Variants in LRP1 observed in about 807,000 individuals in gnomAD.
LRP1 encodes LDL receptor related protein 1, also known as prolow-density lipoprotein receptor-related protein 1.
Under a neutral mutation model 541.5 loss-of-function variants are expected in LRP1, and 51 were observed. The ratio of observed to expected loss-of-function variants is 0.09; its 90% CI spans 0.08 to 0.12. The LOEUF (loss-of-function observed/expected upper bound fraction) is 0.12. Among genes scored for constraint, LRP1 ranks in the 10% least tolerant of loss-of-function variants. LRP1 has a pLI of 1.00. For synonymous variants in LRP1, 2,219 were observed against 2,470.8 expected (o/e 0.90, Z 3.02); for missense variants, 3,878 against 6,376.2 (o/e 0.61, Z 13.34).
At chr12:57,208,981 C>A in intron 78 of LRP1, 102 bp from the exon 79 acceptor site, 2 of 1,093,524 alleles carry the variant, frequency 1.8e-6, no homozygotes, top group South Asian at 1.3e-5. Context: ...CTGTGAGTGG[C>A]GTATGAACAG....
chr12:57,201,420 AAG>A lies in LRP1; in HGVS notation c.10346-69_10346-68del, dbSNP rs2036652369. ...TGGCAGGACCAAGGCCAGGGCTTGG[AAG>A]AGAGAGAAGACAGTGATGGTGAACT... is the stretch of plus-strand genomic sequence containing the variant. On this transcript the variant is annotated intron_variant, in intron 65 of 88. Transcript: ENST00000243077. The surrounding 1 kb of genome is among the most constrained non-coding windows in gnomAD (Gnocchi z 6.4). 1.3e-6 allele frequency: 2 copies of A among 1,542,766 alleles called. No individual in the cohort carries two copies. The highest frequency in any genetic ancestry group is 3.8e-5 in the Admixed American group (2 of 53,268).
At position 57,154,654 on chromosome 12, in the gene LRP1, G is replaced by A. The variant is rs747423446; in HGVS notation, c.1180G>A (p.Val394Met). 1.3e-6 allele frequency: 2 copies of A among 1,588,634 alleles called. No individual in the cohort carries two copies. Among genetic ancestry groups the A allele is most frequent in the East Asian group, 4.6e-5 (2 of 43,476 alleles). ...TGCCTATCTGGACTATATTGAAGTG[G>A]TGGACTATGAGGGCAAGGGCCGCCA... ...ADAYLDYIEV[V>M]DYEGKGRQTI... The change falls in exon 8 of 89, where the codon GTG (valine) becomes ATG (methionine). Residue 394 changes from valine (V) to methionine (M), a missense_variant. Around this residue, in one of 13 missense-constraint regions of LRP1, gnomAD observed 496 missense variants for 861.0 expected, o/e 0.58. Coordinates refer to ENST00000243077, the MANE Select transcript of LRP1 (RefSeq NM_002332.3). The surrounding 1 kb of genome is among the most constrained non-coding windows in gnomAD (Gnocchi z 4.6).
At position 57,205,707 on chromosome 12, in the gene LRP1, TG is replaced by T. The variant is rs1296060504; in HGVS notation, c.11590+33del. 1.2e-6 allele frequency: 2 copies of T among 1,604,146 alleles called. No individual in the cohort carries two copies. Among genetic ancestry groups the T allele is most frequent in the Middle Eastern group, 1.7e-4 (1 of 6,052 alleles). On this transcript the variant is annotated intron_variant, in intron 75 of 88. Transcript: ENST00000243077. The surrounding 1 kb of genome is among the most constrained non-coding windows in gnomAD (Gnocchi z 4.6). ...CGGAGCCACCAGAGGGCAGAAAGGC[TG>T]GGTGGGGCAGGGCGACCAGGATATC...
At position 57,206,540 on chromosome 12, in the gene LRP1, C is replaced by G; in HGVS notation, c.11658C>G (p.Pro3886=). 1 of 1,614,170 alleles carries G rather than the reference C, an allele frequency of 6.2e-7. No homozygotes were observed. The change falls in exon 76 of 89, where the codon CCC becomes CCG. Residue 3886 remains proline, a synonymous_variant. Coordinates refer to ENST00000243077, the MANE Select transcript of LRP1 (RefSeq NM_002332.3). The surrounding 1 kb of genome is among the most constrained non-coding windows in gnomAD (Gnocchi z 4.7). ...TCCGCAGCCTGTTCCCCGGCCACCC[C>G]CATTCGGCTTACGAGCAGGCATTCC... The part of the protein sequence containing the change: ...NEIRSLFPGH[P]HSAYEQAFQG...
In LRP1 at chr12:57,179,309, G is replaced by T; in HGVS notation, c.4739-20G>T. The T allele has an allele frequency of 6.3e-7, 1 of 1,576,520 alleles. No homozygotes were observed. The highest frequency in any genetic ancestry group is 1.1e-5 in the South Asian group (1 of 89,730). The stretch of plus-strand genomic sequence containing the variant: ...CACAGAGGCAGGGACTGCCTTCAGT[G>T]ACCAGCCCATGCCCCACAGAGTTTA... On this transcript the variant is annotated intron_variant, in intron 28 of 88. Coordinates refer to ENST00000243077, the MANE Select transcript of LRP1 (RefSeq NM_002332.3). This position sits in a 1 kb window ranked among gnomAD's most constrained non-coding sequence, Gnocchi z 6.8.
chr12:57,192,775 T>G (rs1438463181), intron 44 of LRP1, 70 bp from the exon 45 acceptor site: 1 of 1,595,222 alleles, frequency 6.3e-7, no homozygotes, highest in East Asian at 2.2e-5. Flanking sequence ...AGTGAATGGG[T>G]GGGTGCACTC....
In LRP1 at chr12:57,156,993, C is replaced by T. The variant is rs1329104368; in HGVS notation, c.1561+73C>T. ...GGTTCCTCAGGTGTCCCCCACAGCC[C>T]GGCTGCCTCTGTCTGACATGCAGGG... On this transcript the variant is annotated intron_variant, in intron 10 of 88. Transcript: ENST00000243077. This position sits in a 1 kb window ranked among gnomAD's most constrained non-coding sequence, Gnocchi z 5.2. 6.9e-6 allele frequency: 10 copies of T among 1,454,188 alleles called. No homozygotes were observed. Among genetic ancestry groups the T allele is most frequent in the East Asian group, 2.4e-5 (1 of 41,790 alleles). 90.1% of individuals were successfully genotyped at this position (1,454,188 alleles called of 1,614,324 possible).
At position 57,196,995 on chromosome 12, in the gene LRP1, C is replaced by T; in HGVS notation, c.8906C>T (p.Pro2969Leu). 6 of 1,611,918 alleles carry T rather than the reference C, an allele frequency of 3.7e-6. No individual in the cohort carries two copies. The South Asian group carries it at 5.5e-5, about 15-fold the overall frequency. The change falls in exon 56 of 89, where the codon CCT becomes CTT. Residue 2969 changes from proline (P) to leucine (L), a missense_variant. Physicochemically the swap from Pro to Leu is moderately conservative, Grantham distance 98 (BLOSUM62 -3). Transcript: ENST00000243077. ...LKIGFKCRCR[P>L]GFRLKDDGRT... ...CTGTGCCTGCAGTGCCGCTGTCGCC[C>T]TGGCTTCCGGCTGAAGGACGACGGC...
rs1216426498 is a variant in LRP1, at chr12:57,206,692, C to T, written c.11810C>T (p.Thr3937Ile). ...RSLPPAAPPT[T>I]SNRHRRQIDR... ...CTGCCACCTGCTGCGCCTCCTACCA[C>T]TTCCAACCGCCACCGGCGACAGATT... is the stretch of plus-strand genomic sequence containing the variant. Residue 3937 changes from threonine (T) to isoleucine (I), a missense_variant, in exon 76 of 89, where the codon ACT becomes ATT. By Grantham distance (89) the Thr-to-Ile change is moderately conservative. Transcript: ENST00000243077. The surrounding 1 kb of genome is among the most constrained non-coding windows in gnomAD (Gnocchi z 4.7). 1 of 1,613,592 alleles carries T rather than the reference C, an allele frequency of 6.2e-7. No individual in the cohort carries two copies. The highest frequency in any genetic ancestry group is 1.7e-5 in the Admixed American group (1 of 60,036).
chr12:57,205,203 G>A lies in LRP1; in HGVS notation c.11289G>A (p.Met3763Ile), dbSNP rs186001677. Residue 3763 changes from methionine to isoleucine, a missense_variant, in exon 73 of 89, where the codon ATG (methionine) becomes ATA (isoleucine). Around this residue, in one of 13 missense-constraint regions of LRP1, gnomAD observed 871 missense variants for 1,212.4 expected, o/e 0.72. Transcript: ENST00000243077. The surrounding 1 kb of genome is among the most constrained non-coding windows in gnomAD (Gnocchi z 4.6). ...TCTCCTCCTCCCTGCGCTGCAACAT[G>A]TTCGATGACTGCGGGGACGGCTCTG... The part of the protein sequence containing the change: ...RCLSSSLRCN[M>I]FDDCGDGSDE... 1.9e-6 allele frequency: 3 copies of A among 1,613,922 alleles called. No individual in the cohort carries two copies. Among genetic ancestry groups the A allele is most frequent in the Non-Finnish European group, 2.5e-6 (3 of 1,180,004 alleles).
At position 57,195,385 on chromosome 12, in the gene LRP1, T is replaced by C. The variant is rs1488871286; in HGVS notation, c.8423T>C (p.Ile2808Thr). ...TGTGCTGATGGTGCAGACGAGAGCA[T>C]CGCAGCTGGTTGCTGTGAGTGGCGG... is the stretch of plus-strand genomic sequence containing the variant. ...KDCADGADES[I>T]AAGCLYNSTC... The change falls in exon 52 of 89, where the codon ATC becomes ACC. Residue 2808 changes from isoleucine to threonine, a missense_variant. Transcript: ENST00000243077. 1.2e-6 allele frequency: 2 copies of C among 1,607,448 alleles called. No homozygotes were observed. The highest frequency in any genetic ancestry group is 3.3e-5 in the Admixed American group (2 of 59,992).
chr12:57,209,543 CAGG>C lies in LRP1; in HGVS notation c.12263-141_12263-139del, dbSNP rs34079003. ...TGGGACCTTTTGCCAGTAGTGGCCA[CAGG>C]AGGAGGAACCGGTGTGGGGAGAGAG... On this transcript the variant is annotated intron_variant, in intron 79 of 88. Transcript: ENST00000243077. 8.7e-4 allele frequency: 586 copies of C among 670,180 alleles called. 1 individual carries two copies. The African/African-American group carries it at 9.7e-3, about 11-fold the overall frequency. The allele number at this position is 670,180 out of a possible 1,614,324, so 41.5% of individuals were successfully genotyped here.
At chr12:57,161,807 C>T (rs1344453763) in intron 13 of LRP1, among the ~76,000 whole-genome samples, 1 of 152,178 alleles carries the variant, frequency 6.6e-6, no homozygotes, top group Non-Finnish European at 1.5e-5. Flanking sequence ...CCAGACCCCT[C>T]TTCACACTGG....
chr12:57,147,158 A>G (rs936086006), intron 6 of LRP1, among the ~76,000 whole-genome samples: 3 of 151,532 alleles, frequency 2.0e-5, no homozygotes, highest in African/African-American at 7.3e-5. Context: ...GAAGAGTCCA[A>G]GGGGAAATGC....
intron 20 of LRP1, among the ~76,000 whole-genome samples, chr12:57,171,370 G>A (rs1246719103): frequency 2.0e-5 from 3 of 152,190 alleles, no homozygotes; most frequent in African/African-American, 7.2e-5. Context: ...TTCCAGTGGG[G>A]ATGGCATGGT....
Position 57,179,098 on chromosome 12 carries a change from C to T in LRP1, c.4738+77C>T. 6.5e-7 allele frequency: 1 copy of T among 1,543,422 alleles called. No homozygotes were observed. ...CCGCAGGCCCCAGGATCCCGGTTGT[C>T]AGCTAAGGCAGAGTCCCAGTCGGGA... On this transcript the variant is annotated intron_variant, in intron 28 of 88. Transcript: ENST00000243077. The surrounding 1 kb of genome is among the most constrained non-coding windows in gnomAD (Gnocchi z 6.8).
Position 57,191,003 on chromosome 12 carries a change from C to T in LRP1, c.7230C>T (p.His2410=), listed in dbSNP as rs1275019433. 1 of 1,610,288 alleles carries T rather than the reference C, an allele frequency of 6.2e-7. No individual in the cohort carries two copies. Among genetic ancestry groups the T allele is most frequent in the Non-Finnish European group, 8.5e-7 (1 of 1,179,776 alleles). The part of the protein sequence containing the change: ...KIERCEYDGS[H]RYVILKSEPV... ...AGCGGTGCGAGTATGACGGCTCCCA[C>T]CGCTATGTGAGTCTGCGGGGTGGGT... Residue 2410 remains histidine, a synonymous_variant, in exon 43 of 89, where the codon CAC becomes CAT. Coordinates refer to ENST00000243077, the MANE Select transcript of LRP1 (RefSeq NM_002332.3).
At chr12:57,167,587 C>G in intron 19 of LRP1, 63 bp downstream of exon 19, 1 of 1,393,870 alleles carries the variant, frequency 7.2e-7, no homozygotes, top group East Asian at 2.3e-5. Flanking sequence ...GCCAGGCCCT[C>G]CAGGGAAGGC....
chr12:57,171,032 C>T (rs1355910269), intron 20 of LRP1, among the ~76,000 whole-genome samples: 3 of 152,068 alleles, frequency 2.0e-5, no homozygotes, highest in Admixed American at 6.6e-5. Context: ...ATAGTAATTG[C>T]GTCTCCAGGG....
Sources: allele counts gnomAD v4.1 joint callset (sites outside exome capture counted in the v4.1 genomes callset), GRCh38; gene constraint gnomAD v4.1.1; regional missense constraint gnomAD v4.1.1; non-coding constraint Gnocchi (gnomAD v3.1); transcripts MANE v1.5; gene names NCBI Gene and HGNC (gene_info 2026-07-23, HGNC 2026-07-21).